MYH7B: variants seen among roughly 807,000 people sequenced by gnomAD.
MYH7B encodes myosin-7B.
A neutral mutation model predicts 234.5 loss-of-function variants in MYH7B; 205 were observed. The ratio of observed to expected loss-of-function variants is 0.87; its 90% CI spans 0.78 to 0.98. The LOEUF (loss-of-function observed/expected upper bound fraction) is 0.98, where lower values mean the gene tolerates loss of function less well. Among genes scored for constraint, MYH7B ranks in the 50% least tolerant of loss-of-function variants. The probability of loss-of-function intolerance (pLI) is 0.00; values close to 1 mark genes in which losing one functional copy is unlikely to be tolerated. For missense variants in MYH7B, 2,652 were observed against 2,633.4 expected, an observed-to-expected ratio of 1.01 and a Z score of -0.15; for synonymous variants, 1,193 against 1,105.0, an observed-to-expected ratio of 1.08 and a Z score of -1.58.
In MYH7B at chr20:35,001,360, G is replaced by C. The variant is rs1327956486; in HGVS notation, c.5580+11G>C. The C allele has an allele frequency of 4.4e-6, 7 of 1,602,064 alleles. No individual in the cohort carries two copies. Among genetic ancestry groups the C allele is most frequent in the Non-Finnish European group, 6.0e-6 (7 of 1,174,796 alleles). On this transcript the variant is annotated intron_variant, in intron 42 of 44. Coordinates refer to ENST00000262873, the Ensembl canonical transcript of MYH7B. ...GAGCTCGCATACCAGGTGGGCGACA[G>C]GGTCTCCCTGGGGAGTGGCCCTGGA...
At chr20:34,987,600 C>T in exon 17 of MYH7B, 1 of 1,614,022 alleles carries the variant, frequency 6.2e-7, no homozygotes, top group Non-Finnish European at 8.5e-7. Flanking sequence ...GCAGTGGGGA[C>T]CTCCTCAAAG....
chr20:34,999,887 G>A (rs773720093), exon 38 of MYH7B: 14 of 1,613,682 alleles, frequency 8.7e-6, no homozygotes, highest in Admixed American at 6.7e-5. Flanking sequence ...AGAGAAAGAC[G>A]AGGAGTGCGC....
At chr20:34,982,202 G>A (rs1477616435) in intron 9 of MYH7B, among the ~76,000 whole-genome samples, 2 of 152,118 alleles carry the variant, frequency 1.3e-5, no homozygotes, top group Non-Finnish European at 2.9e-5. Flanking sequence ...GGTTTTCTGA[G>A]CTGTAACTGA....
intron 8 of MYH7B, 85 bp from the exon 9 acceptor site, chr20:34,980,948 T>C (rs531618249): frequency 3.3e-5 from 52 of 1,580,514 alleles, no homozygotes; most frequent in Non-Finnish European, 4.3e-5. Flanking sequence ...TGGTGGGGTC[T>C]GCCCCAGATG....
At chr20:34,985,095 C>T in exon 13 of MYH7B, 1 of 1,614,120 alleles carries the variant, frequency 6.2e-7, no homozygotes. Flanking sequence ...ACTTTGGTCC[C>T]TCTGGGAAGC....
intron 3 of MYH7B, among the ~76,000 whole-genome samples, chr20:34,976,004 C>T (rs1210843776): frequency 6.6e-6 from 1 of 152,250 alleles, no homozygotes; most frequent in Non-Finnish European, 1.5e-5. Context: ...GCGTGAGCCA[C>T]TGCGCTTGGC....
chr20:34,984,641 C>A, intron 10 of MYH7B, 51 bp from the exon 11 acceptor site: 2 of 1,547,538 alleles, frequency 1.3e-6, no homozygotes, highest in Non-Finnish European at 1.8e-6. Context: ...CCACCCCGCC[C>A]TTCCCCACCG....
At chr20:34,997,218 A>G in intron 31 of MYH7B, 33 bp from the exon 32 acceptor site, 3 of 1,554,624 alleles carry the variant, frequency 1.9e-6, no homozygotes, top group Non-Finnish European at 2.6e-6. Context: ...AGAGGCCCAC[A>G]GAGGTGACAG....
At chr20:34,982,820 A>G (rs934335613) in intron 10 of MYH7B, among the ~76,000 whole-genome samples, 1 of 152,000 alleles carries the variant, frequency 6.6e-6, no homozygotes, top group African/African-American at 2.4e-5. Context: ...AATTTGTGTA[A>G]TTTTTATCTT....
exon 41 of MYH7B, chr20:35,001,091 G>T: frequency 1.9e-6 from 3 of 1,613,846 alleles, no homozygotes; most frequent in South Asian, 1.1e-5. Context: ...CTCCAGGCCC[G>T]CCTTGAGGAG....
chr20:34,973,662 T>A (rs549551695), intron 2 of MYH7B, among the ~76,000 whole-genome samples: 31 of 152,364 alleles, frequency 2.0e-4, no homozygotes, highest in African/African-American at 6.5e-4. Flanking sequence ...TTTGCATGCA[T>A]CCGCATCCTG....
At chr20:34,960,944 G>A (rs991636233) in intron 2 of MYH7B, among the ~76,000 whole-genome samples, 2 of 152,158 alleles carry the variant, frequency 1.3e-5, no homozygotes, top group Non-Finnish European at 2.9e-5. Context: ...AATTGAAGTT[G>A]GGCTTTGCCT....
At chr20:34,972,607 C>T (rs146248686) in intron 2 of MYH7B, among the ~76,000 whole-genome samples, 1 of 152,084 alleles carries the variant, frequency 6.6e-6, no homozygotes, top group African/African-American at 2.4e-5. Flanking sequence ...GTTGCCATAC[C>T]CCTCTTCCTG....
At chr20:34,985,344 G>A (rs2082001576) in intron 13 of MYH7B, among the ~76,000 whole-genome samples, 1 of 152,104 alleles carries the variant, frequency 6.6e-6, no homozygotes, top group South Asian at 2.1e-4. Flanking sequence ...CGCGGCCATA[G>A]TTTTGCTGGT....
At chr20:34,983,179 C>A (rs73256403) in intron 10 of MYH7B, among the ~76,000 whole-genome samples, 1 of 152,154 alleles carries the variant, frequency 6.6e-6, no homozygotes, top group Non-Finnish European at 1.5e-5. Context: ...CCCTCCCCAC[C>A]CAGTCCCTGC....
chr20:35,001,252 AGCTGGAG>A lies in MYH7B; in HGVS notation c.5488_5494del (p.Glu1830SerfsTer129). The stretch of plus-strand genomic sequence containing the variant: ...CTGTCCCCCTGCCTGCAGGTACGGG[AGCTGGAG>A]GCTGAGCTTGATGCAGAGCAGAAGA... On this transcript the variant is annotated frameshift_variant, in exon 42 of 45. Transcript: ENST00000262873. LOFTEE classifies it high-confidence loss of function. 1 of 1,610,682 alleles carries A rather than the reference AGCTGGAG, an allele frequency of 6.2e-7. No individual in the cohort carries two copies. The highest frequency in any genetic ancestry group is 8.5e-7 in the Non-Finnish European group (1 of 1,178,034).
intron 2 of MYH7B, among the ~76,000 whole-genome samples, chr20:34,967,962 C>T (rs1009017810): frequency 1.3e-5 from 2 of 152,214 alleles, no homozygotes; most frequent in African/African-American, 2.4e-5. Context: ...TCTCAAATTC[C>T]ACCTACAGAG....
intron 19 of MYH7B, among the ~76,000 whole-genome samples, chr20:34,989,143 T>G (rs2082091810): frequency 6.6e-6 from 1 of 152,230 alleles, no homozygotes; most frequent in Non-Finnish European, 1.5e-5. Flanking sequence ...AGATTTCATT[T>G]CATATCCTAC....
chr20:34,983,288 C>CTTTTT (rs1360056840), intron 10 of MYH7B, among the ~76,000 whole-genome samples: 2 of 64,090 alleles, frequency 3.1e-5, no homozygotes, highest in Non-Finnish European at 2.9e-5. Flanking sequence ...TCTTTCTTTT[C>CTTTTT]TTTTCTTTTC....
Sources: gnomAD v4.1 joint callset for allele counts (sites outside exome capture counted in the v4.1 genomes callset) on GRCh38, gnomAD v4.1.1 for gene constraint, MANE v1.5 for transcripts, NCBI Gene and HGNC (gene_info 2026-07-23, HGNC 2026-07-21) for gene names.